GPR158: variants seen among roughly 807,000 people sequenced by gnomAD.
GPR158 encodes G protein-coupled receptor 158.
GPR158 carries 30 observed loss-of-function variants against 78.2 expected under a neutral mutation model. The ratio of observed to expected loss-of-function variants is 0.38; its 90% confidence interval spans 0.29 to 0.52. GPR158 has a LOEUF of 0.52. Among genes scored for constraint, GPR158 ranks in the 20% least tolerant of loss-of-function variants. GPR158 has a pLI of 0.83. For synonymous variants in GPR158, 581 were observed against 591.1 expected (o/e 0.98, Z 0.25); for missense variants, 1,463 against 1,523.5 (o/e 0.96, Z 0.66).
intron 2 of GPR158, among the ~76,000 whole-genome samples, chr10:25,316,991 A>G (rs1012570013): frequency 6.6e-5 from 10 of 151,072 alleles, no homozygotes; most frequent in Admixed American, 6.6e-4. Context: ...CTTCAATTAT[A>G]CATATCCATT....
intron 1 of GPR158, among the ~76,000 whole-genome samples, chr10:25,187,355 C>T (rs1588724566): frequency 2.0e-5 from 3 of 152,248 alleles, no homozygotes; most frequent in Admixed American, 6.5e-5. Flanking sequence ...GCCAATATCC[C>T]TGATGAACAT....
intron 4 of GPR158, among the ~76,000 whole-genome samples, chr10:25,456,303 A>T (rs1331457182): frequency 1.3e-5 from 2 of 152,224 alleles, no homozygotes; most frequent in Non-Finnish European, 2.9e-5. Context: ...GTGTAGCATA[A>T]GGAACATAAC....
intron 1 of GPR158, among the ~76,000 whole-genome samples, chr10:25,181,950 TC>T (rs968867070): frequency 6.6e-6 from 1 of 152,136 alleles, no homozygotes; most frequent in Non-Finnish European, 1.5e-5. Flanking sequence ...ACTCCTGGGC[TC>T]AGGTGATCCA....
chr10:25,348,584 C>A (rs1267467148), intron 2 of GPR158, among the ~76,000 whole-genome samples: 3 of 151,916 alleles, frequency 2.0e-5, no homozygotes, highest in Non-Finnish European at 4.4e-5. Flanking sequence ...TCAGCCCTAC[C>A]TGGCATTCTA....
intron 3 of GPR158, among the ~76,000 whole-genome samples, chr10:25,402,341 T>C (rs113089271): frequency 0.014 from 2,124 of 152,154 alleles, 48 homozygotes; most frequent in African/African-American, 0.049. Context: ...GCAAGTAAAT[T>C]CAATGCATGA....
intron 3 of GPR158, among the ~76,000 whole-genome samples, chr10:25,399,731 C>A (rs1216461580): frequency 6.6e-6 from 1 of 152,202 alleles, no homozygotes; most frequent in African/African-American, 2.4e-5. Context: ...AGCTCTGTAA[C>A]TCACCGGGGT....
chr10:25,570,281 A>G (rs1836987196), intron 6 of GPR158, among the ~76,000 whole-genome samples: 1 of 152,188 alleles, frequency 6.6e-6, no homozygotes, highest in Non-Finnish European at 1.5e-5. Context: ...TATTTGGTCA[A>G]TTTGTTGAAG....
At chr10:25,308,750 A>T (rs1854720653) in intron 2 of GPR158, among the ~76,000 whole-genome samples, 1 of 151,796 alleles carries the variant, frequency 6.6e-6, no homozygotes, top group Admixed American at 6.6e-5. Context: ...CCACCATTCT[A>T]CTTTTTGTCT....
At chr10:25,192,974 T>G (rs1312704667) in intron 1 of GPR158, among the ~76,000 whole-genome samples, 4 of 152,222 alleles carry the variant, frequency 2.6e-5, no homozygotes, top group Non-Finnish European at 5.9e-5. Flanking sequence ...TATGGTAGGC[T>G]AGGTTAAAGC....
intron 1 of GPR158, among the ~76,000 whole-genome samples, chr10:25,202,383 C>T (rs1852943846): frequency 6.6e-6 from 1 of 151,990 alleles, no homozygotes; most frequent in African/African-American, 2.4e-5. Context: ...AGGTATTTCC[C>T]CTAATGCTAT....
At chr10:25,509,328 T>G (rs2130667176) in intron 5 of GPR158, among the ~76,000 whole-genome samples, 1 of 152,286 alleles carries the variant, frequency 6.6e-6, no homozygotes, top group East Asian at 1.9e-4. Context: ...CAGGGTTGTT[T>G]CAGTTACTAT....
chr10:25,420,378 C>G (rs116265336), intron 4 of GPR158, among the ~76,000 whole-genome samples: 2,667 of 152,204 alleles, frequency 0.018, 70 homozygotes, highest in African/African-American at 0.052. Context: ...GCCTCGAACT[C>G]CTGTCCTCAA....
At chr10:25,199,696 C>T (rs547867141) in intron 1 of GPR158, among the ~76,000 whole-genome samples, 15 of 152,168 alleles carry the variant, frequency 9.9e-5, no homozygotes, top group Admixed American at 9.8e-4. Flanking sequence ...TCTCTCTTGC[C>T]CCCATGGAAG....
At chr10:25,240,463 C>T (rs770922038) in intron 2 of GPR158, among the ~76,000 whole-genome samples, 6 of 152,162 alleles carry the variant, frequency 3.9e-5, no homozygotes, top group African/African-American at 1.2e-4. Context: ...GAGCCTAGAT[C>T]GTGCCATCCA....
chr10:25,216,929 C>A (rs544893813), intron 1 of GPR158, among the ~76,000 whole-genome samples: 1 of 152,150 alleles, frequency 6.6e-6, no homozygotes, highest in Non-Finnish European at 1.5e-5. Flanking sequence ...AGTAGGAGGG[C>A]CCTGATTATG....
intron 1 of GPR158, among the ~76,000 whole-genome samples, chr10:25,212,627 C>CTTTTTTTTTTTTTTTTTT (rs10642944): frequency 8.9e-5 from 7 of 78,570 alleles, no homozygotes; most frequent in East Asian, 4.6e-4. Flanking sequence ...GAATTTATAG[C>CTTTTTTTTTTTTTTTTTT]TTTTTTTTTT....
chr10:25,451,571 A>C (rs550042630), intron 4 of GPR158, among the ~76,000 whole-genome samples: 12 of 152,338 alleles, frequency 7.9e-5, no homozygotes, highest in Non-Finnish European at 2.9e-5. Context: ...ATACTATTTT[A>C]AAATGACAGC....
rs139582068 is a variant in GPR158 at position 25,175,680 on chromosome 10, A to T, written c.260A>T (p.Tyr87Phe). The change falls in exon 1 of 11, where the codon TAC (tyrosine) becomes TTC (phenylalanine). Residue 87 changes from tyrosine to phenylalanine, a missense_variant. Tyr to Phe is a conservative substitution (Grantham distance 22). Transcript: ENST00000376351. The surrounding 1 kb of genome is among the most constrained non-coding windows in gnomAD (Gnocchi z 6.4). Reference protein sequence around the residue: ...EVPMDVASYLYTGDSHQLKRA... With the variant: ...EVPMDVASYLFTGDSHQLKRA... ...CCCATGGACGTGGCCTCTTACCTCT[A>T]CACCGGGGACTCCCACCAGCTGAAG... 16 of 1,611,500 alleles carry T rather than the reference A, an allele frequency of 9.9e-6. No individual in the cohort carries two copies. The highest frequency in any genetic ancestry group is 1.4e-5 in the Non-Finnish European group (16 of 1,179,928).
intron 2 of GPR158, among the ~76,000 whole-genome samples, chr10:25,237,145 A>G (rs759362550): frequency 1.5e-4 from 23 of 152,142 alleles, no homozygotes; most frequent in Non-Finnish European, 1.5e-4. Context: ...GTTTAAGTTC[A>G]TGGTTGCTAG....
Sources: gnomAD v4.1 joint callset for allele counts (sites outside exome capture counted in the v4.1 genomes callset) on GRCh38, gnomAD v4.1.1 for gene constraint, Gnocchi (gnomAD v3.1) non-coding constraint, MANE v1.5 for transcripts, NCBI Gene and HGNC (gene_info 2026-07-23, HGNC 2026-07-21) for gene names.